Variants in SIN3A observed in about 807,000 individuals in gnomAD.
SIN3A encodes the protein SIN3 transcription regulator family member A.
SIN3A carries 14 observed loss-of-function variants against 146.1 expected under a neutral mutation model. The observed-to-expected ratio is 0.10, with a 90% CI of 0.06 to 0.15. The LOEUF (loss-of-function observed/expected upper bound fraction) is 0.15. SIN3A is among the 10% of genes least tolerant of loss of function. The pLI, the probability that SIN3A is intolerant of heterozygous loss-of-function variation, is 1.00. For missense variants in SIN3A, 1,028 were observed against 1,576.0 expected, an observed-to-expected ratio of 0.65 and a Z score of 5.89; for synonymous variants, 572 against 572.0, an observed-to-expected ratio of 1.00 and a Z score of 0.00.
rs144192714 is a variant in SIN3A, at chr15:75,386,824, G to T, written c.3022-2387C>A. On this transcript the variant is annotated intron_variant, in intron 16 of 20. Coordinates refer to ENST00000394947, the MANE Select transcript of SIN3A (RefSeq NM_001145358.2). ...TCCCTCTTAAGCCAGCCTACAATAG[G>T]TAAGATAAATGTAATGGCTTCACTT... 6.7e-4 allele frequency among the ~76,000 whole-genome samples: 102 copies of T among 152,242 alleles called. 2 individuals carry two copies. In the East Asian group the frequency reaches 0.016, roughly 24 times the overall value.
chr15:75,445,866 C>G (rs139889668), intron 1 of SIN3A, among the ~76,000 whole-genome samples: 79 of 152,116 alleles, frequency 5.2e-4, no homozygotes, highest in African/African-American at 1.9e-3. Flanking sequence ...TCACATCTCA[C>G]ACTGCTTTTA....
rs1330662432 is a variant in SIN3A at position 75,411,699 on chromosome 15, G to A, written c.801C>T (p.Pro267=). The A allele has an allele frequency of 6.2e-7, 1 of 1,612,784 alleles. No individual in the cohort carries two copies. The highest frequency in any genetic ancestry group is 8.5e-7 in the Non-Finnish European group (1 of 1,179,004). The change falls in exon 6 of 21, where the codon CCC becomes CCT. Residue 267 remains proline, a synonymous_variant. Transcript: ENST00000394947. The part of the protein sequence containing the change: ...QAHTPASQQT[P]PLPPYASPRS... ...GTGGGGATGCATACGGTGGAAGTGG[G>A]GGAGTCTGCTGACTGGCCGGAGTAT... is the stretch of plus-strand genomic sequence containing the variant.
intron 16 of SIN3A, among the ~76,000 whole-genome samples, chr15:75,386,541 C>G (rs1484557823): frequency 6.6e-6 from 1 of 152,122 alleles, no homozygotes; most frequent in Non-Finnish European, 1.5e-5. Flanking sequence ...TGAGGAGGAG[C>G]ATCTGTATGG....
intron 19 of SIN3A, among the ~76,000 whole-genome samples, chr15:75,378,300 C>T (rs1239755648): frequency 1.3e-5 from 2 of 152,214 alleles, no homozygotes; most frequent in Non-Finnish European, 2.9e-5. Flanking sequence ...TGCAGTGGCT[C>T]ACACCCGTAA....
At chr15:75,420,184 A>G (rs2073815727) in intron 3 of SIN3A, 1 of 152,196 alleles carries the variant, frequency 6.6e-6, no homozygotes, top group African/African-American at 2.4e-5. Context: ...GAAAAACACA[A>G]GCAACTGTAA....
At chr15:75,415,572 C>T (rs1267276870) in intron 3 of SIN3A, 3 of 184,030 alleles carry the variant, frequency 1.6e-5, no homozygotes, top group African/African-American at 2.4e-5. Context: ...AGGATGCAGG[C>T]TGGGCGCAGT....
chr15:75,404,941 T>A (rs772970894), intron 9 of SIN3A, among the ~76,000 whole-genome samples: 5 of 151,738 alleles, frequency 3.3e-5, no homozygotes, highest in Non-Finnish European at 4.4e-5. Context: ...CCCAGGAGTC[T>A]GAGACCAGCC....
chr15:75,400,460 T>G (rs1186244465), intron 11 of SIN3A, among the ~76,000 whole-genome samples: 3 of 152,076 alleles, frequency 2.0e-5, no homozygotes, highest in Non-Finnish European at 4.4e-5. Context: ...TGTGAAGGCA[T>G]GTGTAAGTCC....
rs145474657 is a variant in SIN3A, at chr15:75,424,542, T to C, written c.190-1719A>G. On this transcript the variant is annotated intron_variant, in intron 2 of 20. Transcript: ENST00000394947. ...AGGCTGGAGTGCAGTGGTACAATCATGGCTCACTGCAGCCTTGACCTCCCC... is the reference window on the plus strand; with the variant it reads ...AGGCTGGAGTGCAGTGGTACAATCACGGCTCACTGCAGCCTTGACCTCCCC... Among the ~76,000 whole-genome samples the C allele has an allele frequency of 1.2e-4, 19 of 152,180 alleles. No individual in the cohort carries two copies. The East Asian group carries it at 3.5e-3, about 28-fold the overall frequency.
At chr15:75,400,998 G>T in intron 10 of SIN3A, 58 bp from the exon 11 acceptor site, 1 of 1,198,466 alleles carries the variant, frequency 8.3e-7, no homozygotes, top group Non-Finnish European at 1.2e-6. Flanking sequence ...GTTATCCTGA[G>T]GTATGACTAC....
At chr15:75,374,930 G>C (rs1052309760) in intron 20 of SIN3A, among the ~76,000 whole-genome samples, 1 of 152,118 alleles carries the variant, frequency 6.6e-6, no homozygotes, top group Non-Finnish European at 1.5e-5. Context: ...CATGGCTGTA[G>C]TCCCAGGGCC....
chr15:75,395,204 A>C (rs1349676402), intron 13 of SIN3A, among the ~76,000 whole-genome samples: 2 of 152,248 alleles, frequency 1.3e-5, no homozygotes, highest in Non-Finnish European at 2.9e-5. Flanking sequence ...CAAAACGTTC[A>C]CAATGCTAAT....
intron 8 of SIN3A, among the ~76,000 whole-genome samples, chr15:75,409,523 G>A (rs189692259): frequency 3.3e-5 from 5 of 151,050 alleles, no homozygotes; most frequent in African/African-American, 4.9e-5. Context: ...TCAGGAGATC[G>A]AGACCATCCT....
chr15:75,416,056 G>A (rs994287645), intron 3 of SIN3A: 3 of 279,798 alleles, frequency 1.1e-5, no homozygotes, highest in Non-Finnish European at 2.1e-5. Context: ...TACTTCTGGT[G>A]ACTGTAAAGT....
At chr15:75,442,157 A>ATT (rs1321264843) in intron 1 of SIN3A, among the ~76,000 whole-genome samples, 1 of 104,640 alleles carries the variant, frequency 9.6e-6, no homozygotes, top group Non-Finnish European at 2.0e-5. Flanking sequence ...AAAAAAACTG[A>ATT]TTTTTTTTTT....
upstream of SIN3A, chr15:75,453,821 C>T (rs1283012669): frequency 6.6e-6 from 1 of 152,356 alleles, no homozygotes; most frequent in African/African-American, 2.4e-5. Context: ...AGTTTCGCTC[C>T]CGAAATCCAC....
intron 20 of SIN3A, among the ~76,000 whole-genome samples, chr15:75,373,301 C>A (rs1013790220): frequency 6.6e-6 from 1 of 152,090 alleles, no homozygotes; most frequent in Non-Finnish European, 1.5e-5. Flanking sequence ...TCTCTTGAAC[C>A]CGGGAAGTGG....
intron 1 of SIN3A, among the ~76,000 whole-genome samples, chr15:75,450,916 A>C (rs1421472553): frequency 6.6e-6 from 1 of 152,098 alleles, no homozygotes; most frequent in East Asian, 1.9e-4. Flanking sequence ...GGCATCACGG[A>C]TCAGTACGGC....
At position 75,434,782 on chromosome 15, in the gene SIN3A, C is replaced by G. The variant is rs546055919; in HGVS notation, c.-33-4374G>C. 1.7e-4 allele frequency among the ~76,000 whole-genome samples: 26 copies of G among 151,160 alleles called. No individual in the cohort carries two copies. In the South Asian group the frequency reaches 5.2e-3, roughly 30 times the overall value. ...TGATCAACATGGAGAAACTCTGTCT[C>G]TACTAAAAACACAAAATTAGCCGGG... On this transcript the variant is annotated intron_variant, in intron 1 of 20. Transcript: ENST00000394947.
Sources: allele counts gnomAD v4.1 joint callset (sites outside exome capture counted in the v4.1 genomes callset), GRCh38; gene constraint gnomAD v4.1.1; transcripts MANE v1.5; gene names NCBI Gene and HGNC (gene_info 2026-07-23, HGNC 2026-07-21).